Variants in RPTOR observed in about 807,000 individuals in gnomAD.
RPTOR encodes regulatory associated protein of MTOR complex 1, also known as regulatory-associated protein of mTOR.
Under a neutral mutation model 169.9 loss-of-function variants are expected in RPTOR, and 21 were observed. The observed-to-expected ratio is 0.12, with a 90% CI of 0.09 to 0.18. RPTOR has a LOEUF of 0.18. Among genes scored for constraint, RPTOR ranks in the 10% least tolerant of loss-of-function variants. RPTOR has a pLI of 1.00. For missense variants in RPTOR, 1,133 were observed against 1,855.9 expected, an observed-to-expected ratio of 0.61 and a Z score of 7.16; for synonymous variants, 732 against 753.2, an observed-to-expected ratio of 0.97 and a Z score of 0.46.
chr17:80,756,139 C>T (rs1369364310), intron 6 of RPTOR, among the ~76,000 whole-genome samples: 1 of 152,206 alleles, frequency 6.6e-6, no homozygotes, highest in Non-Finnish European at 1.5e-5. Context: ...ATCATGAGGG[C>T]TCTGCCCTCA....
chr17:80,807,089 G>A (rs1000279301), intron 7 of RPTOR, among the ~76,000 whole-genome samples: 1 of 152,178 alleles, frequency 6.6e-6, no homozygotes, highest in African/African-American at 2.4e-5. Flanking sequence ...TATCGTAGCT[G>A]AACAACTGTC....
chr17:80,610,679 T>G (rs1387022387), intron 1 of RPTOR, among the ~76,000 whole-genome samples: 1 of 151,986 alleles, frequency 6.6e-6, no homozygotes, highest in Non-Finnish European at 1.5e-5. Flanking sequence ...CTAGGGATGA[T>G]CTCCACGACA....
intron 2 of RPTOR, among the ~76,000 whole-genome samples, chr17:80,628,696 A>ATACTTGAACATCTGGGCTC (rs1567827256): frequency 6.6e-6 from 1 of 151,256 alleles, no homozygotes; most frequent in Non-Finnish European, 1.5e-5. Context: ...AGGCTGGGCT[A>ATACTTGAACATCTGGGCTC]TACTTGAACA....
intron 3 of RPTOR, among the ~76,000 whole-genome samples, chr17:80,694,208 C>T (rs924821758): frequency 5.9e-5 from 9 of 152,174 alleles, no homozygotes; most frequent in Admixed American, 3.3e-4. Flanking sequence ...GGCGACAGGT[C>T]GAGGCAGTTG....
chr17:80,756,785 G>A (rs1048695298), intron 6 of RPTOR, among the ~76,000 whole-genome samples: 19 of 152,158 alleles, frequency 1.2e-4, no homozygotes, highest in African/African-American at 3.6e-4. Context: ...TTGTATGCAC[G>A]GATCAAAATA....
intron 1 of RPTOR, among the ~76,000 whole-genome samples, chr17:80,598,460 C>A (rs187467371): frequency 3.3e-5 from 5 of 152,126 alleles, no homozygotes; most frequent in Non-Finnish European, 5.9e-5. Flanking sequence ...ATATTGTATT[C>A]TAAGATGGTC....
chr17:80,880,167 G>A lies in RPTOR; in HGVS notation c.1510-248G>A, dbSNP rs116273743. Among the ~76,000 whole-genome samples, 692 of 152,292 alleles carry A rather than the reference G, an allele frequency of 4.5e-3. 6 individuals carry two copies. The highest frequency in any genetic ancestry group is 0.015 in the African/African-American group (642 of 41,572). On this transcript the variant is annotated intron_variant, in intron 13 of 33. Coordinates refer to ENST00000306801, the MANE Select transcript of RPTOR (RefSeq NM_020761.3). ...GGCACTCCCCAGCAGGTGCCCGGAC[G>A]TTGTGAAAGAAAACGTCTGGGAGCT...
intron 3 of RPTOR, among the ~76,000 whole-genome samples, chr17:80,650,058 A>G (rs2065627997): frequency 6.6e-6 from 1 of 152,274 alleles, no homozygotes; most frequent in Admixed American, 6.5e-5. Flanking sequence ...CCTTAGTGAC[A>G]TGACCTATAA....
In RPTOR at chr17:80,646,423, A is replaced by T. The variant is rs1380003965; in HGVS notation, c.348+2613A>T. 6.6e-6 allele frequency among the ~76,000 whole-genome samples: 1 copy of T among 152,144 alleles called. No homozygotes were observed. Among genetic ancestry groups the T allele is most frequent in the Admixed American group, 6.5e-5 (1 of 15,274 alleles). ...GTGCGCGTGGCACACTGCTCCTCAC[A>T]GCTTTCCGTGGGTTACAGGACAGAG... On this transcript the variant is annotated intron_variant, in intron 3 of 33. Coordinates refer to ENST00000306801, the MANE Select transcript of RPTOR (RefSeq NM_020761.3). The surrounding 1 kb of genome is among the most constrained non-coding windows in gnomAD (Gnocchi z 5.0).
intron 1 of RPTOR, chr17:80,602,997 C>T (rs191994483): frequency 1.3e-5 from 4 of 296,444 alleles, no homozygotes; most frequent in South Asian, 3.9e-5. Context: ...ATGATCATCC[C>T]AGATGGGTTC....
intron 4 of RPTOR, among the ~76,000 whole-genome samples, chr17:80,716,006 C>A (rs542537912): frequency 6.6e-6 from 1 of 152,080 alleles, no homozygotes. Context: ...TTTGCAATTG[C>A]GAATTGTGCT....
intron 7 of RPTOR, among the ~76,000 whole-genome samples, chr17:80,792,441 C>T (rs1276634041): frequency 1.3e-5 from 2 of 152,178 alleles, no homozygotes; most frequent in African/African-American, 4.8e-5. Flanking sequence ...CGGTGAGCTC[C>T]GTCGTGGTTC....
intron 4 of RPTOR, among the ~76,000 whole-genome samples, chr17:80,720,665 C>T (rs920741219): frequency 3.5e-4 from 53 of 152,322 alleles, no homozygotes; most frequent in African/African-American, 1.2e-3. Flanking sequence ...ACTGACTTCG[C>T]GGGTGCCCTG....
intron 20 of RPTOR, among the ~76,000 whole-genome samples, chr17:80,905,234 C>T (rs963880786): frequency 2.0e-5 from 3 of 151,840 alleles, no homozygotes; most frequent in South Asian, 2.1e-4. Flanking sequence ...TTTCGATCTG[C>T]GGTTGGTTGA....
intron 3 of RPTOR, among the ~76,000 whole-genome samples, chr17:80,654,667 C>T (rs1218843413): frequency 6.6e-6 from 1 of 152,206 alleles, no homozygotes; most frequent in Non-Finnish European, 1.5e-5. Context: ...TTACCCCGGA[C>T]TGGAACATGC....
chr17:80,809,035 A>C (rs543515921), intron 7 of RPTOR, among the ~76,000 whole-genome samples: 2 of 152,294 alleles, frequency 1.3e-5, no homozygotes, highest in South Asian at 4.1e-4. Context: ...CCGGAGAGTG[A>C]ATTGCTTGGT....
chr17:80,766,631 G>C (rs921925290), intron 6 of RPTOR, among the ~76,000 whole-genome samples: 1 of 152,188 alleles, frequency 6.6e-6, no homozygotes, highest in Non-Finnish European at 1.5e-5. Flanking sequence ...AGAAATGCTT[G>C]CAAAGGTCCA....
rs555155912 is a variant in RPTOR at position 80,778,271 on chromosome 17, T to A, written c.831-13179T>A. ...ATAAAAATTGATGTCAGATAGAAAA[T>A]TAACCTCCTTCAGGGTATGTGAAAC... On this transcript the variant is annotated intron_variant, in intron 6 of 33. Transcript: ENST00000306801. 1.2e-3 allele frequency among the ~76,000 whole-genome samples: 185 copies of A among 152,252 alleles called. 1 individual carries two copies. Among genetic ancestry groups the A allele is most frequent in the African/African-American group, 4.3e-3 (180 of 41,536 alleles).
chr17:80,948,942 T>C (rs1222524353), intron 27 of RPTOR, among the ~76,000 whole-genome samples: 1 of 152,070 alleles, frequency 6.6e-6, no homozygotes, highest in African/African-American at 2.4e-5. Flanking sequence ...TCCCTTCAAG[T>C]CAAGGCTACT....
Sources: gnomAD v4.1 joint callset for allele counts (sites outside exome capture counted in the v4.1 genomes callset) on GRCh38, gnomAD v4.1.1 for gene constraint, Gnocchi (gnomAD v3.1) non-coding constraint, MANE v1.5 for transcripts, NCBI Gene and HGNC (gene_info 2026-07-23, HGNC 2026-07-21) for gene names.